Variants in LAP3 observed in about 807,000 individuals in gnomAD.
LAP3 encodes cytosol aminopeptidase.
Under a neutral mutation model 58.8 loss-of-function variants are expected in LAP3, and 46 were observed. The observed-to-expected ratio is 0.78, with a 90% CI of 0.62 to 1.00. The LOEUF is 1.00. Among genes scored for constraint, LAP3 ranks in the 50% least tolerant of loss-of-function variants. The pLI is 0.00. For missense variants in LAP3, 615 were observed against 659.1 expected, an observed-to-expected ratio of 0.93 and a Z score of 0.73; for synonymous variants, 257 against 237.7, an observed-to-expected ratio of 1.08 and a Z score of -0.75.
chr4:17,577,802 C>T (rs1056781901), intron 1 of LAP3, among the ~76,000 whole-genome samples: 1 of 152,244 alleles, frequency 6.6e-6, no homozygotes, highest in Non-Finnish European at 1.5e-5. Flanking sequence ...TTGTAGCCGC[C>T]CTTTACCCGG....
intron 2 of LAP3, among the ~76,000 whole-genome samples, chr4:17,580,551 C>G (rs1713338526): frequency 6.6e-6 from 1 of 152,062 alleles, no homozygotes; most frequent in East Asian, 1.9e-4. Context: ...GCCCACCCTC[C>G]TGGCTCAAAT....
chr4:17,589,055 T>C (rs1713608989), intron 7 of LAP3, 78 bp downstream of exon 7: 1 of 1,423,066 alleles, frequency 7.0e-7, no homozygotes. Context: ...ATAGGGTTTT[T>C]TGGTTTGATT....
chr4:17,598,156 A>G (rs1400999690), intron 9 of LAP3, among the ~76,000 whole-genome samples: 1 of 152,036 alleles, frequency 6.6e-6, no homozygotes, highest in East Asian at 1.9e-4. Flanking sequence ...AGTGATTATT[A>G]TATTATTATT....
chr4:17,583,678 C>A, intron 5 of LAP3, 36 bp downstream of exon 5: 1 of 1,611,148 alleles, frequency 6.2e-7, no homozygotes, highest in South Asian at 1.1e-5. Flanking sequence ...GTGGTGCTCC[C>A]TGGCGTTCTG....
chr4:17,594,017 T>C (rs1000255196), intron 7 of LAP3, among the ~76,000 whole-genome samples: 1 of 152,084 alleles, frequency 6.6e-6, no homozygotes. Flanking sequence ...GAAATGACAG[T>C]GGTGAGACTG....
chr4:17,605,608 C>T (rs985594290), intron 11 of LAP3, among the ~76,000 whole-genome samples: 1 of 152,094 alleles, frequency 6.6e-6, no homozygotes, highest in Non-Finnish European at 1.5e-5. Flanking sequence ...AAGGTCTAAA[C>T]TTATTTTCAC....
chr4:17,577,618 G>A (rs748729480), intron 1 of LAP3, 51 bp downstream of exon 1: 2 of 1,386,214 alleles, frequency 1.4e-6, no homozygotes, highest in African/African-American at 1.5e-5. Flanking sequence ...CTGCCCGTGG[G>A]CTACTGGGGC....
chr4:17,605,124 A>G (rs1264040073), intron 11 of LAP3, among the ~76,000 whole-genome samples: 8 of 145,248 alleles, frequency 5.5e-5, no homozygotes, highest in Non-Finnish European at 3.1e-5. Context: ...ACTTCCACAC[A>G]CACACACACA....
chr4:17,579,772 C>T (rs760519912), intron 1 of LAP3, 52 bp from the exon 2 acceptor site: 26 of 1,023,100 alleles, frequency 2.5e-5, no homozygotes, highest in Non-Finnish European at 3.1e-5. Context: ...CTGAGCCTCT[C>T]TAAGGGATCT....
At chr4:17,592,608 T>C (rs974164129) in intron 7 of LAP3, among the ~76,000 whole-genome samples, 4 of 152,316 alleles carry the variant, frequency 2.6e-5, no homozygotes, top group Non-Finnish European at 4.4e-5. Context: ...AATAACTGAG[T>C]GTTTAACTTT....
chr4:17,587,327 G>A (rs7658240), intron 6 of LAP3: 109,172 of 152,162 alleles, frequency 0.72, 39,899 homozygotes, highest in East Asian at 0.93. Context: ...GTGTATATCA[G>A]AGAAACACAG....
rs1713387167 is a variant in LAP3 at position 17,582,334 on chromosome 4, G to C, written c.320G>C (p.Gly107Ala). The C allele has an allele frequency of 1.2e-6, 2 of 1,614,148 alleles. No homozygotes were observed. Among genetic ancestry groups the C allele is most frequent in the East Asian group, 4.5e-5 (2 of 44,890 alleles). ...GTTGGCCTCGGCAAAAAGGCAGCTG[G>C]AATCGACGAACAGGAAAACTGGCAT... ...VLVGLGKKAA[G>A]IDEQENWHEG... Residue 107 changes from glycine to alanine, a missense_variant, in exon 4 of 13, where the codon GGA becomes GCA. Gly to Ala is a moderately conservative substitution (Grantham distance 60). Coordinates refer to ENST00000226299, the MANE Select transcript of LAP3 (RefSeq NM_015907.3).
chr4:17,587,097 C>T (rs1577220570), intron 6 of LAP3, among the ~76,000 whole-genome samples: 1 of 152,150 alleles, frequency 6.6e-6, no homozygotes, highest in Non-Finnish European at 1.5e-5. Flanking sequence ...CAGAGAGACA[C>T]TGTGTCTCAA....
Position 17,583,558 on chromosome 4 carries a change from C to T in LAP3, c.455C>T (p.Ala152Val), listed in dbSNP as rs775885725. ...CCCTGTGGAGACGCTCAGGCTGCTG[C>T]GGAGGGAGCGGTGCTTGGTCTCTAT... The part of the protein sequence containing the change: ...VDPCGDAQAA[A>V]EGAVLGLYEY... The change falls in exon 5 of 13, where the codon GCG (alanine) becomes GTG (valine). Residue 152 changes from alanine to valine, a missense_variant. By Grantham distance (64) the Ala-to-Val change is moderately conservative (BLOSUM62 0). Transcript: ENST00000226299. 97 of 1,613,986 alleles carry T rather than the reference C, an allele frequency of 6.0e-5. No individual in the cohort carries two copies. Among genetic ancestry groups the T allele is most frequent in the Non-Finnish European group, 7.5e-5 (88 of 1,180,032 alleles).
chr4:17,605,962 T>G (rs1280030812), intron 11 of LAP3, among the ~76,000 whole-genome samples: 9 of 152,222 alleles, frequency 5.9e-5, no homozygotes, highest in Admixed American at 5.9e-4. Flanking sequence ...CTTCTTGATT[T>G]TTCACTTTTA....
intron 3 of LAP3, 31 bp from the exon 4 acceptor site, chr4:17,582,257 A>T: frequency 6.5e-7 from 1 of 1,541,828 alleles, no homozygotes; most frequent in East Asian, 2.2e-5. Flanking sequence ...GAAAGAAATA[A>T]AGTGGTTGAT....
intron 9 of LAP3, among the ~76,000 whole-genome samples, chr4:17,598,069 C>T (rs558272700): frequency 1.1e-4 from 16 of 152,244 alleles, no homozygotes; most frequent in Admixed American, 5.9e-4. Flanking sequence ...TACAAAGTTA[C>T]GGGTAAAATG....
intron 6 of LAP3, chr4:17,586,170 G>C (rs1284246687): frequency 1.3e-5 from 2 of 152,142 alleles, no homozygotes; most frequent in Non-Finnish European, 2.9e-5. Context: ...TCGCTCTCTT[G>C]GGATCTCCAG....
intron 10 of LAP3, 93 bp downstream of exon 10, chr4:17,598,651 A>T: frequency 1.1e-6 from 1 of 930,386 alleles, no homozygotes; most frequent in Non-Finnish European, 1.7e-6. Flanking sequence ...ATTTTGCTAA[A>T]ATTTGGCTTG....
Sources: gnomAD v4.1 joint callset for allele counts (sites outside exome capture counted in the v4.1 genomes callset) on GRCh38, gnomAD v4.1.1 for gene constraint, MANE v1.5 for transcripts, NCBI Gene and HGNC (gene_info 2026-07-23, HGNC 2026-07-21) for gene names.